CLDN16: variants seen among roughly 807,000 people sequenced by gnomAD.
The protein encoded by CLDN16 is claudin-16.
A neutral mutation model predicts 24.6 loss-of-function variants in CLDN16; 13 were observed. That is an observed-to-expected ratio of 0.53 (90% CI 0.34 to 0.84). The LOEUF (loss-of-function observed/expected upper bound fraction) is 0.84, where lower values mean the gene tolerates loss of function less well. Among genes scored for constraint, CLDN16 ranks in the 40% least tolerant of loss-of-function variants. CLDN16 has a pLI of 0.01. For missense variants in CLDN16, 298 were observed against 292.7 expected, an observed-to-expected ratio of 1.02 and a Z score of -0.13; for synonymous variants, 116 against 106.7, an observed-to-expected ratio of 1.09 and a Z score of -0.54.
At chr3:190,299,425 A>G in the CLDN16 span, among the ~76,000 whole-genome samples, 1 of 152,102 alleles carries the variant, frequency 6.6e-6, no homozygotes, top group East Asian at 1.9e-4. Context: ...TATTTGATGA[A>G]CAGAGTCCTT....
the CLDN16 span, among the ~76,000 whole-genome samples, chr3:190,297,398 T>A: frequency 3.3e-5 from 5 of 149,444 alleles, no homozygotes; most frequent in African/African-American, 1.2e-4. Context: ...AAATTGAAGA[T>A]ATAGGCTTTC....
intron 1 of CLDN16, among the ~76,000 whole-genome samples, chr3:190,338,047 G>C (rs1717349847): frequency 6.6e-6 from 1 of 152,148 alleles, no homozygotes; most frequent in Non-Finnish European, 1.5e-5. Context: ...TAAACCAACA[G>C]CCATTACATG....
chr3:190,317,501 T>C, the CLDN16 span, among the ~76,000 whole-genome samples: 2 of 152,212 alleles, frequency 1.3e-5, no homozygotes, highest in African/African-American at 2.4e-5. Context: ...AATCAACAAA[T>C]GTGTAGAAAG....
intron 1 of CLDN16, among the ~76,000 whole-genome samples, chr3:190,363,556 GTA>G (rs1221514630): frequency 0.011 from 918 of 87,356 alleles, 4 homozygotes; most frequent in South Asian, 0.043. Context: ...GTGTGTGTGT[GTA>G]TATATATATA....
intron 3 of CLDN16, among the ~76,000 whole-genome samples, chr3:190,378,087 T>G (rs1170557271): frequency 6.6e-6 from 1 of 152,032 alleles, no homozygotes; most frequent in Non-Finnish European, 1.5e-5. Context: ...AAAACTGGGA[T>G]AAGTTACCAC....
At chr3:190,374,507 C>T (rs1349045549) in intron 2 of CLDN16, 1 of 151,884 alleles carries the variant, frequency 6.6e-6, no homozygotes, top group Non-Finnish European at 1.5e-5. Context: ...TTATAACAAT[C>T]CATTCTTTAT....
At chr3:190,330,835 C>G (rs1395384991) in intron 1 of CLDN16, among the ~76,000 whole-genome samples, 1 of 152,152 alleles carries the variant, frequency 6.6e-6, no homozygotes, top group Admixed American at 6.5e-5. Context: ...CAAAGACATG[C>G]ATGTGTCTAT....
the CLDN16 span, among the ~76,000 whole-genome samples, chr3:190,297,606 CTAT>C: frequency 1.5e-5 from 2 of 129,682 alleles, no homozygotes; most frequent in African/African-American, 5.7e-5. Flanking sequence ...TAATATATAT[CTAT>C]AATATCTATA....
chr3:190,374,319 C>T (rs930850502), intron 2 of CLDN16, among the ~76,000 whole-genome samples: 25 of 117,770 alleles, frequency 2.1e-4, no homozygotes, highest in African/African-American at 8.5e-4. Context: ...GTGTGGTTTT[C>T]CCTGAAGCAG....
At chr3:190,359,289 C>T (rs1717838973) in intron 1 of CLDN16, among the ~76,000 whole-genome samples, 1 of 152,044 alleles carries the variant, frequency 6.6e-6, no homozygotes, top group African/African-American at 2.4e-5. Context: ...CATTTAAATT[C>T]AGACATTACA....
chr3:190,298,179 A>G, the CLDN16 span, among the ~76,000 whole-genome samples: 2 of 152,206 alleles, frequency 1.3e-5, no homozygotes, highest in African/African-American at 4.8e-5. Context: ...TATAATGAAT[A>G]CCTATGAACC....
At chr3:190,409,545 T>C (rs1479234671) in intron 4 of CLDN16, among the ~76,000 whole-genome samples, 2 of 152,184 alleles carry the variant, frequency 1.3e-5, no homozygotes, top group South Asian at 4.1e-4. Context: ...CTCAACTAAA[T>C]GTATATTTAG....
At chr3:190,386,836 G>A (rs1285501424), upstream of CLDN16, among the ~76,000 whole-genome samples, 1 of 151,994 alleles carries the variant, frequency 6.6e-6, no homozygotes, top group African/African-American at 2.4e-5. Context: ...ATTAAAATTA[G>A]AAAAAACAAA....
At chr3:190,381,204 A>G (rs1718363456) in intron 3 of CLDN16, among the ~76,000 whole-genome samples, 1 of 152,134 alleles carries the variant, frequency 6.6e-6, no homozygotes, top group South Asian at 2.1e-4. Flanking sequence ...CTAAAATACA[A>G]TTGATTAGAA....
intron 3 of CLDN16, among the ~76,000 whole-genome samples, chr3:190,376,566 C>T (rs555830650): frequency 2.0e-5 from 3 of 151,918 alleles, no homozygotes; most frequent in South Asian, 2.1e-4. Flanking sequence ...GAAAAAGTTA[C>T]GGGAATATAA....
rs10663299 is a variant in CLDN16 at position 190,363,554 on chromosome 3, G to GCACATATATA, written n.122-7339_122-7338insCACATATATA. On this transcript the variant is annotated intron_variant and non_coding_transcript_variant, in intron 1 of 4. Transcript: ENST00000468220. ...CCAGTTGCTGTGCGTGTGTGTGTGT[G>GCACATATATA]TGTATATATATATATATATATATAT... Among the ~76,000 whole-genome samples the GCACATATATA allele has an allele frequency of 1.7e-4, 14 of 81,354 alleles. 1 individual carries two copies. In the South Asian group the frequency reaches 2.3e-3, roughly 14 times the overall value. 53.4% of individuals were successfully genotyped at this position (81,354 alleles called of 152,430 possible).
chr3:190,380,900 A>G (rs563499559), intron 3 of CLDN16, among the ~76,000 whole-genome samples: 1 of 152,282 alleles, frequency 6.6e-6, no homozygotes, highest in East Asian at 1.9e-4. Context: ...AAATGGTTCT[A>G]TAAAATTAAC....
chr3:190,402,410 A>G lies in CLDN16; in HGVS notation c.188A>G (p.Glu63Gly), dbSNP rs759388455. The G allele has an allele frequency of 1.2e-6, 2 of 1,613,858 alleles. No individual in the cohort carries two copies. Among genetic ancestry groups the G allele is most frequent in the Non-Finnish European group, 1.7e-6 (2 of 1,179,858 alleles). ...NAFDGIRTCD[E>G]YDSILAEHPL... ...TTTGATGGGATTCGCACCTGTGATGAGTACGATTCCATACTTGCGGAGCAT... is the reference window on the plus strand; with the variant it reads ...TTTGATGGGATTCGCACCTGTGATGGGTACGATTCCATACTTGCGGAGCAT... Residue 63 changes from glutamate to glycine, a missense_variant, in exon 2 of 5, where the codon GAG (glutamate) becomes GGG (glycine). Glu to Gly is a moderately conservative substitution (Grantham distance 98). Coordinates refer to ENST00000264734, the MANE Select transcript of CLDN16 (RefSeq NM_006580.4).
chr3:190,380,668 T>C (rs1449836141), intron 3 of CLDN16, among the ~76,000 whole-genome samples: 1 of 152,106 alleles, frequency 6.6e-6, no homozygotes, highest in Non-Finnish European at 1.5e-5. Flanking sequence ...CAATTTATTA[T>C]GCATCTAACA....
Sources: gnomAD v4.1 joint callset for allele counts (sites outside exome capture counted in the v4.1 genomes callset) on GRCh38, gnomAD v4.1.1 for gene constraint, MANE v1.5 for transcripts, NCBI Gene and HGNC (gene_info 2026-07-23, HGNC 2026-07-21) for gene names.